The following ZHX3 variants were observed in gnomAD, a reference collection of about 807,000 sequenced individuals.
ZHX3 encodes the protein zinc fingers and homeoboxes 3, also known as zinc fingers and homeoboxes protein 3.
A neutral mutation model predicts 64.5 loss-of-function variants in ZHX3; 20 were observed. That is an observed-to-expected ratio of 0.31 (90% CI 0.22 to 0.45). ZHX3 has a LOEUF of 0.45. Among genes scored for constraint, ZHX3 ranks in the 20% least tolerant of loss-of-function variants. The pLI is 1.00. For missense variants in ZHX3, 1,041 were observed against 1,195.8 expected (o/e 0.87, Z 1.91); for synonymous variants, 423 against 461.6 (o/e 0.92, Z 1.07).
chr20:41,307,264 C>T (rs1014801250), intron 1 of ZHX3, among the ~76,000 whole-genome samples: 1 of 152,152 alleles, frequency 6.6e-6, no homozygotes, highest in African/African-American at 2.4e-5. Flanking sequence ...AGGGATCTAC[C>T]GACCACATTG....
intron 2 of ZHX3, among the ~76,000 whole-genome samples, chr20:41,250,117 C>T (rs188098392): frequency 5.3e-4 from 80 of 152,328 alleles, no homozygotes. Flanking sequence ...ACTCCCTCCT[C>T]TACCTAGATA....
In ZHX3 at chr20:41,201,878, A is replaced by G. The variant is rs1600749750; in HGVS notation, c.2860+179T>C. Among the ~76,000 whole-genome samples, 2 of 152,200 alleles carry G rather than the reference A, an allele frequency of 1.3e-5. No individual in the cohort carries two copies. The highest frequency in any genetic ancestry group is 4.8e-5 in the African/African-American group (2 of 41,452). On this transcript the variant is annotated intron_variant, in intron 3 of 3. Transcript: ENST00000683867. This position sits in a 1 kb window ranked among gnomAD's most constrained non-coding sequence, Gnocchi z 5.0. ...AAAAAACAGCTCTCAACCGTTTATC[A>G]TATTATATTCCTATGGCTTCTGCTG...
chr20:41,279,289 C>A (rs1438563205), intron 1 of ZHX3, among the ~76,000 whole-genome samples: 4 of 152,122 alleles, frequency 2.6e-5, no homozygotes, highest in Non-Finnish European at 5.9e-5. Flanking sequence ...GCATTAAATT[C>A]TCTTTCTCAT....
intron 1 of ZHX3, among the ~76,000 whole-genome samples, chr20:41,308,826 C>T (rs895834789): frequency 1.3e-5 from 2 of 152,138 alleles, no homozygotes; most frequent in Non-Finnish European, 2.9e-5. Flanking sequence ...TTAACTTTGG[C>T]TTGTTGAGTA....
chr20:41,299,535 G>GA (rs1165703170), intron 1 of ZHX3, among the ~76,000 whole-genome samples: 1 of 152,072 alleles, frequency 6.6e-6, no homozygotes, highest in African/African-American at 2.4e-5. Flanking sequence ...AAGACAAAAA[G>GA]AAAAAATTCA....
In ZHX3 at chr20:41,278,004, C is replaced by T. The variant is rs772652746; in HGVS notation, c.-244-8921G>A. 1.4e-4 allele frequency among the ~76,000 whole-genome samples: 19 copies of T among 139,920 alleles called. 2 individuals are homozygous for T. The highest frequency in any genetic ancestry group is 2.9e-4 in the Admixed American group (4 of 13,960). The allele number at this position is 139,920 out of a possible 152,430, so 91.8% of individuals were successfully genotyped here. On this transcript the variant is annotated intron_variant, in intron 1 of 3. Transcript: ENST00000683867. ...CTCCCCTGATTACAAGAGCAATACA[C>T]TTTCAATAAAAGCAAACTGTAAAAT... is the stretch of plus-strand genomic sequence containing the variant.
intron 1 of ZHX3, among the ~76,000 whole-genome samples, chr20:41,315,330 G>T (rs540156711): frequency 7.3e-6 from 1 of 137,134 alleles, no homozygotes; most frequent in Admixed American, 7.6e-5. Context: ...TTACAGGCAC[G>T]CACCACCAGG....
Position 41,203,659 on chromosome 20 carries a change from C to G in ZHX3, c.1258G>C (p.Gly420Arg). Reference sequence around the variant, plus strand: ...GTGACCAGAAGTCCCCCTCCTGTACCCTCTGGCTGCCCCACAACGTGACCT... The same window carrying G: ...GTGACCAGAAGTCCCCCTCCTGTACGCTCTGGCTGCCCCACAACGTGACCT... ...LPGHVVGQPE[G>R]TGGGLLVTQP... is the part of the protein sequence containing the mutation. The change falls in exon 3 of 4, where the codon GGT (glycine) becomes CGT (arginine). Residue 420 changes from glycine to arginine, a missense_variant. Gly to Arg is a moderately radical substitution (Grantham distance 125). This residue lies in a region of ZHX3 where 649 missense variants were observed against 739.8 expected (regional missense o/e 0.88). Transcript: ENST00000683867. The surrounding 1 kb of genome is among the most constrained non-coding windows in gnomAD (Gnocchi z 7.1). 1 of 1,614,206 alleles carries G rather than the reference C, an allele frequency of 6.2e-7. No individual in the cohort carries two copies. The highest frequency in any genetic ancestry group is 1.1e-5 in the South Asian group (1 of 91,078).
intron 2 of ZHX3, 150 bp downstream of exon 2, chr20:41,268,840 A>C (rs2042990180): frequency 6.6e-6 from 1 of 152,252 alleles, no homozygotes. Flanking sequence ...CAGCAATAAA[A>C]AACAAGGGAG....
chr20:41,190,483 T>C (rs1403568396), intron 3 of ZHX3, among the ~76,000 whole-genome samples: 2 of 152,180 alleles, frequency 1.3e-5, no homozygotes, highest in African/African-American at 4.8e-5. Context: ...GGATTATTGA[T>C]ATGTGAGGTT....
intron 1 of ZHX3, among the ~76,000 whole-genome samples, chr20:41,290,125 TAA>T (rs1346622295): frequency 6.6e-6 from 1 of 152,224 alleles, no homozygotes; most frequent in Non-Finnish European, 1.5e-5. Flanking sequence ...AGTCTTCCTT[TAA>T]AAAGACTAGC....
chr20:41,223,702 CA>C (rs1345860824), intron 2 of ZHX3, among the ~76,000 whole-genome samples: 1 of 152,130 alleles, frequency 6.6e-6, no homozygotes, highest in Non-Finnish European at 1.5e-5. Context: ...AAATTCTGAA[CA>C]ATGTTAATGT....
chr20:41,283,031 C>G (rs565396829), intron 1 of ZHX3, among the ~76,000 whole-genome samples: 3 of 152,274 alleles, frequency 2.0e-5, no homozygotes, highest in Admixed American at 1.3e-4. Flanking sequence ...GCCTCAGCCT[C>G]CCAAGTAGCT....
At position 41,247,362 on chromosome 20, in the gene ZHX3, G is replaced by C. The variant is rs1000271405; in HGVS notation, c.-151+21628C>G. Reference sequence around the variant, plus strand: ...CTGTGTTCAGAGTTGGATGAACCTGGGTTCTAATCTGGACTCAGCTACTTC... The same window carrying C: ...CTGTGTTCAGAGTTGGATGAACCTGCGTTCTAATCTGGACTCAGCTACTTC... On this transcript the variant is annotated intron_variant, in intron 2 of 3. Coordinates refer to ENST00000683867, the MANE Select transcript of ZHX3 (RefSeq NM_001384317.1). Among the ~76,000 whole-genome samples the C allele has an allele frequency of 1.9e-3, 284 of 152,292 alleles. 1 individual carries two copies. Among genetic ancestry groups the C allele is most frequent in the African/African-American group, 6.6e-3 (273 of 41,554 alleles).
chr20:41,292,903 G>A (rs531503178), intron 1 of ZHX3, among the ~76,000 whole-genome samples: 2 of 152,274 alleles, frequency 1.3e-5, no homozygotes, highest in African/African-American at 4.8e-5. Flanking sequence ...TAAGTATGTT[G>A]GGTAACAGCT....
intron 2 of ZHX3, among the ~76,000 whole-genome samples, chr20:41,239,411 C>T (rs1374293994): frequency 6.6e-6 from 1 of 152,202 alleles, no homozygotes; most frequent in Non-Finnish European, 1.5e-5. Flanking sequence ...CTTCATGTCC[C>T]AAACATCCAG....
intron 3 of ZHX3, among the ~76,000 whole-genome samples, chr20:41,186,989 A>G (rs906239405): frequency 7.9e-5 from 12 of 152,176 alleles, no homozygotes; most frequent in South Asian, 4.1e-4. Flanking sequence ...CCAAATTATT[A>G]TTTTCTTTTG....
intron 2 of ZHX3, among the ~76,000 whole-genome samples, chr20:41,254,312 C>T (rs1224548458): frequency 6.6e-6 from 1 of 152,288 alleles, no homozygotes. Context: ...TTGCTTAACC[C>T]CAGCTCCTCT....
In ZHX3 at chr20:41,219,662, T is replaced by C. The variant is rs148579463; in HGVS notation, c.-150-14596A>G. ...TATACAAGGATTTTTGAAAAGATGC[T>C]AGCTAGCCCTATAACTCAAGAAGCT... On this transcript the variant is annotated intron_variant, in intron 2 of 3. Coordinates refer to ENST00000683867, the MANE Select transcript of ZHX3 (RefSeq NM_001384317.1). The surrounding 1 kb of genome is among the most constrained non-coding windows in gnomAD (Gnocchi z 5.0). Among the ~76,000 whole-genome samples, 4 of 152,374 alleles carry C rather than the reference T, an allele frequency of 2.6e-5. No homozygotes were observed. The highest frequency in any genetic ancestry group is 7.2e-5 in the African/African-American group (3 of 41,592).
Sources: gnomAD v4.1 joint callset for allele counts (sites outside exome capture counted in the v4.1 genomes callset) on GRCh38, gnomAD v4.1.1 for gene constraint, gnomAD v4.1.1 regional missense constraint, Gnocchi (gnomAD v3.1) non-coding constraint, MANE v1.5 for transcripts, NCBI Gene and HGNC (gene_info 2026-07-23, HGNC 2026-07-21) for gene names.